The following PLPPR4 variants were observed in gnomAD, a reference collection of about 807,000 sequenced individuals.
PLPPR4 encodes phospholipid phosphatase related 4.
In PLPPR4, 24 loss-of-function variants were observed where a neutral mutation model predicts 56.6. The ratio of observed to expected loss-of-function variants is 0.42; its 90% CI spans 0.31 to 0.60. PLPPR4 has a LOEUF of 0.60. PLPPR4 is among the 20% of genes least tolerant of loss of function. PLPPR4 has a pLI of 0.13. For synonymous variants in PLPPR4, 326 were observed against 328.1 expected (o/e 0.99, Z 0.07); for missense variants, 654 against 885.8 (o/e 0.74, Z 3.32).
chr1:99,273,334 C>T (rs1015826430), intron 1 of PLPPR4, among the ~76,000 whole-genome samples: 4 of 150,590 alleles, frequency 2.7e-5, no homozygotes, highest in Non-Finnish European at 4.4e-5. Context: ...AGGGGAAAGA[C>T]GAGTAATTAA....
intron 2 of PLPPR4, among the ~76,000 whole-genome samples, chr1:99,290,689 G>A (rs1265825351): frequency 1.3e-5 from 2 of 152,062 alleles, no homozygotes; most frequent in East Asian, 1.9e-4. Context: ...ACAAGCAATA[G>A]GGAAAGGATT....
intron 1 of PLPPR4, among the ~76,000 whole-genome samples, chr1:99,269,939 C>T (rs1181121278): frequency 6.6e-6 from 1 of 151,380 alleles, no homozygotes; most frequent in Non-Finnish European, 1.5e-5. Context: ...TGAAGCATTC[C>T]AATTCAGAAT....
chr1:99,306,816 A>G lies in PLPPR4; in HGVS notation c.1954A>G (p.Ile652Val). The change falls in exon 7 of 7, where the codon ATT (isoleucine) becomes GTT (valine). Residue 652 changes from isoleucine (I) to valine (V), a missense_variant. Ile to Val is a conservative substitution (Grantham distance 29). This residue lies in a region of PLPPR4 where 468 missense variants were observed against 554.3 expected (regional missense o/e 0.84). Coordinates refer to ENST00000370185, the MANE Select transcript of PLPPR4 (RefSeq NM_014839.5). The surrounding 1 kb of genome is among the most constrained non-coding windows in gnomAD (Gnocchi z 4.0). ...TAGCAATGAGCATCACCACCACGGAATTACCACCATCCGCGTCACCCCAGT... is the reference window on the plus strand; with the variant it reads ...TAGCAATGAGCATCACCACCACGGAGTTACCACCATCCGCGTCACCCCAGT... ...IDSNEHHHHG[I>V]TTIRVTPVEG... 1 of 1,614,070 alleles carries G rather than the reference A, an allele frequency of 6.2e-7. No homozygotes were observed. The highest frequency in any genetic ancestry group is 8.5e-7 in the Non-Finnish European group (1 of 1,179,992).
chr1:99,272,351 A>G (rs1408313721), intron 1 of PLPPR4, among the ~76,000 whole-genome samples: 3 of 152,182 alleles, frequency 2.0e-5, no homozygotes, highest in African/African-American at 7.2e-5. Flanking sequence ...ATATCAGATC[A>G]GGAATAGAAC....
intron 1 of PLPPR4, among the ~76,000 whole-genome samples, chr1:99,287,699 G>A (rs899635382): frequency 4.6e-5 from 7 of 152,076 alleles, no homozygotes; most frequent in African/African-American, 1.4e-4. Context: ...AATGCTGTGT[G>A]GAAAATGAAT....
chr1:99,300,987 T>C (rs1659871360), intron 5 of PLPPR4, 21 bp downstream of exon 5: 1 of 1,600,782 alleles, frequency 6.2e-7, no homozygotes, highest in South Asian at 1.1e-5. Context: ...GGTTCTTTTT[T>C]GTTAAGTTGT....
chr1:99,282,946 ATATATAT>A lies in PLPPR4; in HGVS notation c.79-5004_79-4998del, dbSNP rs954896676. ...TATATATCTTTCTGATATATATTTAATATATATTATATATTATATATGTGCAATATAT... is the reference window on the plus strand; with the variant it reads ...TATATATCTTTCTGATATATATTTAATATATATTATATATGTGCAATATAT... On this transcript the variant is annotated intron_variant, in intron 1 of 6. Coordinates refer to ENST00000370185, the MANE Select transcript of PLPPR4 (RefSeq NM_014839.5). Among the ~76,000 whole-genome samples the A allele has an allele frequency of 3.2e-3, 473 of 147,672 alleles. 2 individuals carry two copies. The highest frequency in any genetic ancestry group is 0.011 in the African/African-American group (443 of 40,704).
chr1:99,269,186 T>C (rs1179038575), intron 1 of PLPPR4, among the ~76,000 whole-genome samples: 1 of 152,244 alleles, frequency 6.6e-6, no homozygotes, highest in Non-Finnish European at 1.5e-5. Context: ...TTTGGTTTTC[T>C]GTTCTTGTGT....
At chr1:99,269,690 A>T (rs550249562) in intron 1 of PLPPR4, among the ~76,000 whole-genome samples, 33 of 152,306 alleles carry the variant, frequency 2.2e-4, no homozygotes, top group Non-Finnish European at 3.8e-4. Context: ...ATGATATAAC[A>T]TTTTTATGAC....
chr1:99,279,094 T>G (rs1002039654), intron 1 of PLPPR4, among the ~76,000 whole-genome samples: 2 of 152,228 alleles, frequency 1.3e-5, no homozygotes, highest in Admixed American at 6.5e-5. Context: ...AAATTGTCCA[T>G]GTATGTATTA....
At chr1:99,294,154 C>T (rs1659686840) in intron 2 of PLPPR4, among the ~76,000 whole-genome samples, 1 of 151,378 alleles carries the variant, frequency 6.6e-6, no homozygotes. Context: ...GGAAACATCT[C>T]CCTATACCCT....
chr1:99,289,712 A>G (rs937089801), intron 2 of PLPPR4, among the ~76,000 whole-genome samples: 2 of 152,162 alleles, frequency 1.3e-5, no homozygotes, highest in Non-Finnish European at 2.9e-5. Context: ...TTATCTCAAT[A>G]GATGCGGAAA....
intron 1 of PLPPR4, among the ~76,000 whole-genome samples, chr1:99,265,233 A>G (rs550706120): frequency 1.1e-4 from 16 of 150,020 alleles, no homozygotes; most frequent in Non-Finnish European, 2.2e-4. Flanking sequence ...AACATCAATC[A>G]TCAATGTACT....
At position 99,295,371 on chromosome 1, in the gene PLPPR4, T is replaced by A. The variant is rs190295773; in HGVS notation, c.265-1367T>A. Among the ~76,000 whole-genome samples, 1,194 of 152,112 alleles carry A rather than the reference T, an allele frequency of 7.8e-3. 9 individuals carry two copies. Among genetic ancestry groups the A allele is most frequent in the African/African-American group, 0.01 (428 of 41,518 alleles). ...ATAGGCTTGCTGTCATTAGATTTTT[T>A]AAAAAAAACTATAATTTTGAACACT... is the stretch of plus-strand genomic sequence containing the variant. On this transcript the variant is annotated intron_variant, in intron 2 of 6. Transcript: ENST00000370185.
chr1:99,299,191 T>C lies in PLPPR4; in HGVS notation c.551T>C (p.Ile184Thr). 1 of 1,613,338 alleles carries C rather than the reference T, an allele frequency of 6.2e-7. No homozygotes were observed. The highest frequency in any genetic ancestry group is 8.5e-7 in the Non-Finnish European group (1 of 1,179,596). ...GAAAATTCCTACATTGTGGAAGATA[T>C]TTGCTCAGGATCTGACCTCACAGTT... ...CKENSYIVED[I>T]CSGSDLTVIN... Residue 184 changes from isoleucine (I) to threonine (T), a missense_variant, in exon 4 of 7, where the codon ATT becomes ACT. Physicochemically the swap from Ile to Thr is moderately conservative, Grantham distance 89. Transcript: ENST00000370185.
At chr1:99,290,364 C>T (rs777127332) in intron 2 of PLPPR4, among the ~76,000 whole-genome samples, 1 of 151,946 alleles carries the variant, frequency 6.6e-6, no homozygotes, top group Non-Finnish European at 1.5e-5. Flanking sequence ...ATGGCCATAC[C>T]ATCCAAAGCA....
At chr1:99,285,336 T>C (rs1659438153) in intron 1 of PLPPR4, among the ~76,000 whole-genome samples, 1 of 152,182 alleles carries the variant, frequency 6.6e-6, no homozygotes, top group South Asian at 2.1e-4. Context: ...AAGCACTTTA[T>C]GAAGTATTTG....
chr1:99,293,612 T>C (rs1300472182), intron 2 of PLPPR4, among the ~76,000 whole-genome samples: 2 of 152,196 alleles, frequency 1.3e-5, no homozygotes, highest in Non-Finnish European at 2.9e-5. Flanking sequence ...TCTAATTTTA[T>C]AGAAGAATTC....
In PLPPR4 at chr1:99,306,133, C is replaced by T; in HGVS notation, c.1271C>T (p.Ser424Leu). Residue 424 changes from serine to leucine, a missense_variant, in exon 7 of 7, where the codon TCA becomes TTA. By Grantham distance (145) the Ser-to-Leu change is moderately radical. Transcript: ENST00000370185. This position sits in a 1 kb window ranked among gnomAD's most constrained non-coding sequence, Gnocchi z 4.0. Reference protein sequence around the residue: ...LQVIEPEPGQSPPRSIEMRSS... With the variant: ...LQVIEPEPGQLPPRSIEMRSS... Reference sequence around the variant, plus strand: ...GTTATAGAGCCTGAGCCTGGGCAGTCACCACCCAGATCCATAGAAATGAGG... The same window carrying T: ...GTTATAGAGCCTGAGCCTGGGCAGTTACCACCCAGATCCATAGAAATGAGG... The T allele has an allele frequency of 6.2e-7, 1 of 1,614,114 alleles. No homozygotes were observed. Among genetic ancestry groups the T allele is most frequent in the Non-Finnish European group, 8.5e-7 (1 of 1,180,014 alleles).
Sources: gnomAD v4.1 joint callset for allele counts (sites outside exome capture counted in the v4.1 genomes callset) on GRCh38, gnomAD v4.1.1 for gene constraint, gnomAD v4.1.1 regional missense constraint, Gnocchi (gnomAD v3.1) non-coding constraint, MANE v1.5 for transcripts, NCBI Gene and HGNC (gene_info 2026-07-23, HGNC 2026-07-21) for gene names.